Variants in EBF2 observed in about 807,000 individuals in gnomAD.
EBF2 encodes transcription factor COE2.
Under a neutral mutation model 72.8 loss-of-function variants are expected in EBF2, and 21 were observed. The observed-to-expected ratio is 0.29, with a 90% CI of 0.20 to 0.42. The LOEUF (loss-of-function observed/expected upper bound fraction) is 0.42. Among genes scored for constraint, EBF2 ranks in the 10% least tolerant of loss-of-function variants. The pLI is 1.00. For synonymous variants in EBF2, 299 were observed against 274.2 expected (o/e 1.09, Z -0.89); for missense variants, 637 against 731.2 (o/e 0.87, Z 1.49).
At chr8:25,894,424 C>G (rs558951468) in intron 7 of EBF2, among the ~76,000 whole-genome samples, 2 of 152,162 alleles carry the variant, frequency 1.3e-5, no homozygotes, top group Admixed American at 1.3e-4. Flanking sequence ...TACTCCCAGG[C>G]CTTCCCCTTC....
chr8:25,851,024 T>C lies in EBF2; in HGVS notation c.1529-263A>G, dbSNP rs139483515. Among the ~76,000 whole-genome samples the C allele has an allele frequency of 6.0e-3, 910 of 152,112 alleles. 2 individuals are homozygous for C. Among genetic ancestry groups the C allele is most frequent in the Non-Finnish European group, 0.01 (682 of 67,976 alleles). ...GCAGACAGCAAAGGGCACTTGTGCTTGGGAGAGTCAGGAAGGCAGCTTCAG... is the reference window on the plus strand; with the variant it reads ...GCAGACAGCAAAGGGCACTTGTGCTCGGGAGAGTCAGGAAGGCAGCTTCAG... On this transcript the variant is annotated intron_variant, in intron 14 of 15. Coordinates refer to ENST00000520164, the MANE Select transcript of EBF2 (RefSeq NM_022659.4).
At chr8:25,967,460 C>T (rs1013141788) in intron 6 of EBF2, among the ~76,000 whole-genome samples, 2 of 152,202 alleles carry the variant, frequency 1.3e-5, no homozygotes, top group African/African-American at 4.8e-5. Flanking sequence ...TGAATGTGTA[C>T]AGAACACTTA....
intron 6 of EBF2, among the ~76,000 whole-genome samples, chr8:26,005,436 T>TATTATAAAATATATTA (rs543874643): frequency 0.011 from 98 of 9,268 alleles, 3 homozygotes; most frequent in African/African-American, 0.038. Context: ...ATTATATATA[T>TATTATAAAATATATTA]TATATTATAA....
At chr8:26,037,904 T>A (rs539052140) in intron 5 of EBF2, among the ~76,000 whole-genome samples, 18 of 152,224 alleles carry the variant, frequency 1.2e-4, no homozygotes, top group Non-Finnish European at 2.4e-4. Context: ...AGGCTTTTAC[T>A]AAAGATTACG....
In EBF2 at chr8:26,033,076, T is replaced by G; in HGVS notation, c.551+9A>C. On this transcript the variant is annotated intron_variant, in intron 6 of 15. Coordinates refer to ENST00000520164, the MANE Select transcript of EBF2 (RefSeq NM_022659.4). ...CAAAAATGATTGAAAAATCACTTTT[T>G]CCCCCTACCTGTCAATTATGACTGG... 1 of 1,613,642 alleles carries G rather than the reference T, an allele frequency of 6.2e-7. No homozygotes were observed. The highest frequency in any genetic ancestry group is 2.2e-5 in the East Asian group (1 of 44,874).
rs79516679 is a variant in EBF2 at position 25,913,688 on chromosome 8, G to A, written c.552-5133C>T. On this transcript the variant is annotated intron_variant, in intron 6 of 15. Coordinates refer to ENST00000520164, the MANE Select transcript of EBF2 (RefSeq NM_022659.4). The stretch of plus-strand genomic sequence containing the variant: ...ACCCCAGGCTCTCCAAAGACCAAGA[G>A]AGGGGATGCTGTATCTGGTTCTCTT... 3.8e-3 allele frequency among the ~76,000 whole-genome samples: 572 copies of A among 152,276 alleles called. 12 individuals are homozygous for A. The highest frequency in any genetic ancestry group is 0.013 in the African/African-American group (545 of 41,562).
chr8:25,849,276 C>T (rs1186333577), intron 15 of EBF2, among the ~76,000 whole-genome samples: 1 of 152,180 alleles, frequency 6.6e-6, no homozygotes, highest in African/African-American at 2.4e-5. Context: ...CACTTGACTT[C>T]CAGAAGACAC....
At chr8:25,936,700 T>C (rs1803585419) in intron 6 of EBF2, among the ~76,000 whole-genome samples, 1 of 152,332 alleles carries the variant, frequency 6.6e-6, no homozygotes, top group African/African-American at 2.4e-5. Flanking sequence ...TTGTTGTTGT[T>C]GTTTTGTTTT....
At chr8:25,881,826 C>T (rs1428718427) in intron 10 of EBF2, among the ~76,000 whole-genome samples, 1 of 152,128 alleles carries the variant, frequency 6.6e-6, no homozygotes, top group African/African-American at 2.4e-5. Context: ...TCCAGAGGAA[C>T]GCACCGACAG....
chr8:26,040,769 C>A, intron 3 of EBF2, 98 bp from the exon 4 acceptor site: 1 of 1,492,810 alleles, frequency 6.7e-7, no homozygotes, highest in South Asian at 1.3e-5. Flanking sequence ...AGCAGCCTCT[C>A]CATGCTGAGC....
At chr8:25,894,094 C>A (rs1015632432) in intron 7 of EBF2, among the ~76,000 whole-genome samples, 2 of 152,088 alleles carry the variant, frequency 1.3e-5, no homozygotes, top group African/African-American at 4.8e-5. Context: ...AAGAGCCTGC[C>A]AATTCAACTG....
intron 6 of EBF2, among the ~76,000 whole-genome samples, chr8:25,996,410 AATAATTT>A (rs1804632370): frequency 6.6e-6 from 1 of 152,200 alleles, no homozygotes; most frequent in African/African-American, 2.4e-5. Context: ...AACCAAACTG[AATAATTT>A]AAGGTAATCT....
At chr8:25,938,283 C>T (rs1008378791) in intron 6 of EBF2, among the ~76,000 whole-genome samples, 53 of 151,038 alleles carry the variant, frequency 3.5e-4, no homozygotes, top group Admixed American at 3.5e-3. Context: ...TGTTTCAATG[C>T]ATCTTGAGGT....
rs752828068 is a variant in EBF2, at chr8:25,858,389, G to A, written c.1458C>T (p.Pro486=). The A allele has an allele frequency of 3.1e-6, 5 of 1,614,072 alleles. No individual in the cohort carries two copies. Among genetic ancestry groups the A allele is most frequent in the Non-Finnish European group, 4.2e-6 (5 of 1,180,036 alleles). The stretch of plus-strand genomic sequence containing the variant: ...AACCTGGAACACCCAAGTTGGCCAT[G>A]GGGACATTGCTGTAGCCATTCATAC... ...SNSMNGYSNV[P]MANLGVPGSP... The change falls in exon 14 of 16, where the codon CCC becomes CCT. Residue 486 remains proline (P), a synonymous_variant. Coordinates refer to ENST00000520164, the MANE Select transcript of EBF2 (RefSeq NM_022659.4).
At chr8:25,979,355 G>C (rs1359412868) in intron 6 of EBF2, among the ~76,000 whole-genome samples, 2 of 152,166 alleles carry the variant, frequency 1.3e-5, no homozygotes, top group Non-Finnish European at 2.9e-5. Context: ...GCAAACCCTC[G>C]CCCTGCCCCC....
chr8:26,033,731 A>T (rs906585565), intron 5 of EBF2, among the ~76,000 whole-genome samples: 1 of 144,516 alleles, frequency 6.9e-6, no homozygotes, highest in Non-Finnish European at 1.5e-5. Context: ...CGTCCTGCAC[A>T]TGGTCCCCTG....
intron 6 of EBF2, among the ~76,000 whole-genome samples, chr8:26,023,747 G>A (rs753795375): frequency 9.2e-5 from 14 of 152,096 alleles, no homozygotes; most frequent in Non-Finnish European, 1.8e-4. Flanking sequence ...GGGGACAAGC[G>A]GCAACATCAA....
At chr8:25,997,484 T>A (rs1034909581) in intron 6 of EBF2, among the ~76,000 whole-genome samples, 2 of 150,818 alleles carry the variant, frequency 1.3e-5, no homozygotes, top group Non-Finnish European at 1.5e-5. Context: ...GGTGGGAGGA[T>A]CACTTGAGCC....
chr8:26,005,082 G>A (rs1804816926), intron 6 of EBF2, among the ~76,000 whole-genome samples: 1 of 147,784 alleles, frequency 6.8e-6, no homozygotes, highest in South Asian at 2.1e-4. Flanking sequence ...AAGTACAATG[G>A]CAAAAAAATC....
Sources: allele counts gnomAD v4.1 joint callset (sites outside exome capture counted in the v4.1 genomes callset), GRCh38; gene constraint gnomAD v4.1.1; transcripts MANE v1.5; gene names NCBI Gene and HGNC (gene_info 2026-07-23, HGNC 2026-07-21).